TGM1: variants seen among roughly 807,000 people sequenced by gnomAD.
The protein encoded by TGM1 is transglutaminase 1, also known as protein-glutamine gamma-glutamyltransferase K.
Under a neutral mutation model 88.7 loss-of-function variants are expected in TGM1, and 63 were observed. The observed-to-expected ratio is 0.71, with a 90% CI of 0.58 to 0.88. The LOEUF (loss-of-function observed/expected upper bound fraction) is 0.88. TGM1 is among the 40% of genes least tolerant of loss of function. The probability of loss-of-function intolerance (pLI) is 0.00; values close to 1 mark genes in which losing one functional copy is unlikely to be tolerated. For missense variants in TGM1, 996 were observed against 1,118.0 expected (o/e 0.89, Z 1.56); for synonymous variants, 415 against 431.1 (o/e 0.96, Z 0.46).
At chr14:24,258,955 A>G (rs550371277) in intron 7 of TGM1, 120 bp downstream of exon 7, 1 of 1,201,046 alleles carries the variant, frequency 8.3e-7, no homozygotes, top group Non-Finnish European at 1.2e-6. Flanking sequence ...AGGCCAGCCT[A>G]TTACCCACCC....
chr14:24,254,868 A>G lies in TGM1; in HGVS notation c.1928-44T>C, dbSNP rs371924707. ...GCGTCACTGAGGCCTGCTTCCCTAC[A>G]TGAGGCTTCCCCCAGGGACTCCCCA... On this transcript the variant is annotated intron_variant, in intron 12 of 14. Coordinates refer to ENST00000206765, the MANE Select transcript of TGM1 (RefSeq NM_000359.3). The G allele has an allele frequency of 3.2e-4, 522 of 1,613,068 alleles. 2 individuals are homozygous for G. Among genetic ancestry groups the G allele is most frequent in the Middle Eastern group, 1.3e-3 (8 of 6,026 alleles).
chr14:24,258,669 C>T lies in TGM1; in HGVS notation c.1164G>A (p.Leu388=). 6.2e-7 allele frequency: 1 copy of T among 1,614,178 alleles called. No homozygotes were observed. The highest frequency in any genetic ancestry group is 8.5e-7 in the Non-Finnish European group (1 of 1,180,004). The change falls in exon 8 of 15, where the codon CTG becomes CTA. Residue 388 remains leucine (L), a synonymous_variant. Transcript: ENST00000206765. ...WVFAGVTTTV[L]RCLGLATRTV... is the part of the protein sequence containing the mutation. ...TACGGGTGGCCAGACCCAGGCAGCG[C>T]AGCACTGTGGAGGAGCGAAGGTTGG...
chr14:24,254,572 G>T (rs2040728288), intron 13 of TGM1, 92 bp downstream of exon 13: 2 of 1,594,942 alleles, frequency 1.3e-6, no homozygotes, highest in South Asian at 2.2e-5. Context: ...CATCAGGCCA[G>T]CCTGCTGCTG....
chr14:24,261,213 T>C (rs1392285831), intron 3 of TGM1, among the ~76,000 whole-genome samples: 2 of 152,036 alleles, frequency 1.3e-5, no homozygotes, highest in African/African-American at 4.8e-5. Context: ...GGCAGCAGCA[T>C]AATCACCAGC....
chr14:24,250,368 T>G (rs2040691854), intron 14 of TGM1, among the ~76,000 whole-genome samples: 1 of 152,094 alleles, frequency 6.6e-6, no homozygotes. Context: ...TGCTAACCAC[T>G]CAGAGGTGAA....
rs779376697 is a variant in TGM1 at position 24,262,082 on chromosome 14, C to G, written c.271G>C (p.Val91Leu). The G allele has an allele frequency of 3.5e-5, 56 of 1,613,576 alleles. No individual in the cohort carries two copies. The Admixed American group carries it at 4.0e-4, about 12-fold the overall frequency. Residue 91 changes from valine (V) to leucine (L), a missense_variant, in exon 2 of 15, where the codon GTA (valine) becomes CTA (leucine). Physicochemically the swap from Val to Leu is conservative, Grantham distance 32. Transcript: ENST00000206765. ...GSRGSDSRRP[V>L]SRGSGVNAAG... Reference sequence around the variant, plus strand: ...GCATTGACACCGCTGCCCCGGGATACAGGCCGGCGGGAGTCTGAGCCCCGG... The same window carrying G: ...GCATTGACACCGCTGCCCCGGGATAGAGGCCGGCGGGAGTCTGAGCCCCGG...
chr14:24,254,565 C>A (rs41293822), intron 13 of TGM1, 99 bp downstream of exon 13: 1 of 1,579,196 alleles, frequency 6.3e-7, no homozygotes, highest in Admixed American at 1.7e-5. Context: ...AAAGGCTCAT[C>A]AGGCCAGCCT....
In TGM1 at chr14:24,259,033, C is replaced by A; in HGVS notation, c.1159+42G>T. 6.2e-7 allele frequency: 1 copy of A among 1,611,272 alleles called. No individual in the cohort carries two copies. Among genetic ancestry groups the A allele is most frequent in the Non-Finnish European group, 8.5e-7 (1 of 1,178,894 alleles). Reference sequence around the variant, plus strand: ...GTAAGCCTGGCTTTCCTCCCTTCTCCCTGTAGGGCCCGGGCCACTCCTGTC... The same window carrying A: ...GTAAGCCTGGCTTTCCTCCCTTCTCACTGTAGGGCCCGGGCCACTCCTGTC... On this transcript the variant is annotated intron_variant, in intron 7 of 14. Coordinates refer to ENST00000206765, the MANE Select transcript of TGM1 (RefSeq NM_000359.3). This position sits in a 1 kb window ranked among gnomAD's most constrained non-coding sequence, Gnocchi z 5.7.
At chr14:24,256,813 A>G (rs2040755235) in intron 9 of TGM1, among the ~76,000 whole-genome samples, 2 of 152,122 alleles carry the variant, frequency 1.3e-5, no homozygotes, top group South Asian at 4.1e-4. Flanking sequence ...ATCTCACAAG[A>G]CAGGTGGTGC....
At chr14:24,260,785 T>C (rs1001843940) in intron 3 of TGM1, 87 bp from the exon 4 acceptor site, 120 of 1,571,668 alleles carry the variant, frequency 7.6e-5, no homozygotes, top group Non-Finnish European at 1.0e-4. Context: ...CCACCCACAA[T>C]GTGTATGAGC....
chr14:24,251,877 A>G (rs2040703804), intron 14 of TGM1, among the ~76,000 whole-genome samples: 1 of 152,206 alleles, frequency 6.6e-6, no homozygotes. Flanking sequence ...TGCAAAGTCA[A>G]ATCTACCCCT....
chr14:24,253,951 G>A (rs2040721429), intron 14 of TGM1, among the ~76,000 whole-genome samples: 1 of 152,220 alleles, frequency 6.6e-6, no homozygotes, highest in South Asian at 2.1e-4. Context: ...ACATGGCATA[G>A]CACCAGGTGC....
intron 9 of TGM1, among the ~76,000 whole-genome samples, chr14:24,257,158 G>A (rs1360126848): frequency 1.3e-5 from 2 of 152,176 alleles, no homozygotes; most frequent in East Asian, 3.8e-4. Flanking sequence ...AGGCATCACC[G>A]GGTTGCACAG....
chr14:24,250,379 C>G lies in TGM1; in HGVS notation c.2226-838G>C, dbSNP rs17102378. On this transcript the variant is annotated intron_variant, in intron 14 of 14. Coordinates refer to ENST00000206765, the MANE Select transcript of TGM1 (RefSeq NM_000359.3). The stretch of plus-strand genomic sequence containing the variant: ...GTTCTGCTAACCACTCAGAGGTGAA[C>G]TAAATCCTTCAAGGATTTAGTGCTC... Among the ~76,000 whole-genome samples the G allele has an allele frequency of 3.8e-3, 578 of 152,276 alleles. 4 individuals carry two copies. Among genetic ancestry groups the G allele is most frequent in the African/African-American group, 0.013 (554 of 41,544 alleles).
chr14:24,250,346 T>C (rs555391307), intron 14 of TGM1, among the ~76,000 whole-genome samples: 2 of 152,212 alleles, frequency 1.3e-5, no homozygotes, highest in South Asian at 2.1e-4. Flanking sequence ...ATCCCACTTT[T>C]GTATTCTGTT....
In TGM1 at chr14:24,259,933, A is replaced by AC; in HGVS notation, c.876+6dup. ...GGTGTATGTGACCCTGGCCAGCCGC[A>AC]CCATACCTGGCCGTAGTTCCAGGTC... On this transcript the variant is annotated splice_region_variant and intron_variant, in intron 5 of 14. Transcript: ENST00000206765. This position sits in a 1 kb window ranked among gnomAD's most constrained non-coding sequence, Gnocchi z 5.7. The AC allele has an allele frequency of 6.2e-7, 1 of 1,613,372 alleles. No individual in the cohort carries two copies. The highest frequency in any genetic ancestry group is 8.5e-7 in the Non-Finnish European group (1 of 1,179,474).
intron 14 of TGM1, among the ~76,000 whole-genome samples, chr14:24,252,763 C>A (rs1480836124): frequency 6.6e-6 from 1 of 152,196 alleles, no homozygotes; most frequent in Non-Finnish European, 1.5e-5. Flanking sequence ...CCTCTGCTTC[C>A]TCCCCTCAGT....
rs755635993 is a variant in TGM1, at chr14:24,249,430, G to A, written c.2337C>T (p.His779=). The A allele has an allele frequency of 3.1e-5, 50 of 1,613,814 alleles. No homozygotes were observed. The highest frequency in any genetic ancestry group is 1.0e-4 in the Admixed American group (6 of 59,984). ...SLDSPQLSQV[H]GVIQVDVAPA... Reference sequence around the variant, plus strand: ...GGGCCACATCCACCTGGATGACACCGTGCACCTGGGAGAGCTGTGGGCTGT... The same window carrying A: ...GGGCCACATCCACCTGGATGACACCATGCACCTGGGAGAGCTGTGGGCTGT... The change falls in exon 15 of 15, where the codon CAC becomes CAT. Residue 779 remains histidine (H), a synonymous_variant. Coordinates refer to ENST00000206765, the MANE Select transcript of TGM1 (RefSeq NM_000359.3).
In TGM1 at chr14:24,259,130, C is replaced by T. The variant is rs902231692; in HGVS notation, c.1104G>A (p.Thr368=). The T allele has an allele frequency of 4.3e-6, 7 of 1,614,162 alleles. No homozygotes were observed. Among genetic ancestry groups the T allele is most frequent in the South Asian group, 2.2e-5 (2 of 91,080 alleles). ...ACTGGCCATAGGGGACGGAATATCC[C>T]GTGCGTAGGTAGCTAAGCAGGATCT... ...SVEILLSYLR[T]GYSVPYGQCW... Residue 368 remains threonine (T), a synonymous_variant, in exon 7 of 15, where the codon ACG becomes ACA. Transcript: ENST00000206765. This position sits in a 1 kb window ranked among gnomAD's most constrained non-coding sequence, Gnocchi z 5.7.
Sources: gnomAD v4.1 joint callset for allele counts (sites outside exome capture counted in the v4.1 genomes callset) on GRCh38, gnomAD v4.1.1 for gene constraint, Gnocchi (gnomAD v3.1) non-coding constraint, MANE v1.5 for transcripts, NCBI Gene and HGNC (gene_info 2026-07-23, HGNC 2026-07-21) for gene names.